The following ABCB5 variants were observed in gnomAD, a reference collection of about 807,000 sequenced individuals.
The protein encoded by ABCB5 is ATP-binding cassette sub-family B member 5.
A neutral mutation model predicts 144.2 loss-of-function variants in ABCB5; 155 were observed. The ratio of observed to expected loss-of-function variants is 1.08; its 90% confidence interval spans 0.94 to 1.23. The LOEUF (loss-of-function observed/expected upper bound fraction) is 1.23. ABCB5 is among the 50% of genes most tolerant of loss of function. The pLI is 0.00. For missense variants in ABCB5, 1,830 were observed against 1,520.8 expected, an observed-to-expected ratio of 1.20 and a Z score of -3.38; for synonymous variants, 610 against 528.6, an observed-to-expected ratio of 1.15 and a Z score of -2.11.
intron 23 of ABCB5, among the ~76,000 whole-genome samples, chr7:20,736,342 T>G (rs2128053605): frequency 6.6e-6 from 1 of 152,250 alleles, no homozygotes; most frequent in Non-Finnish European, 1.5e-5. Context: ...CTCAGTCTCC[T>G]GAGTAGCTAG....
At chr7:20,743,887 T>C (rs1449282126) in intron 25 of ABCB5, among the ~76,000 whole-genome samples, 1 of 152,048 alleles carries the variant, frequency 6.6e-6, no homozygotes, top group Non-Finnish European at 1.5e-5. Flanking sequence ...TATTCGCACA[T>C]AGCATAGCAC....
In ABCB5 at chr7:20,727,073, A is replaced by C; in HGVS notation, c.2659A>C (p.Ile887Leu). The C allele has an allele frequency of 6.2e-7, 1 of 1,613,582 alleles. No homozygotes were observed. Among genetic ancestry groups the C allele is most frequent in the Non-Finnish European group, 8.5e-7 (1 of 1,179,704 alleles). Residue 887 changes from isoleucine to leucine, a missense_variant, in exon 22 of 28, where the codon ATA becomes CTA. Physicochemically the swap from Ile to Leu is conservative, Grantham distance 5. Coordinates refer to ENST00000404938, the MANE Select transcript of ABCB5 (RefSeq NM_001163941.2). ...TGAAGCTTTGGAGAATATACGTACT[A>C]TAGTGTCATTAACAAGGGAAAAAGC... ...ATEALENIRT[I>L]VSLTREKAFE...
At chr7:20,676,418 TA>T (rs565338481) in intron 14 of ABCB5, among the ~76,000 whole-genome samples, 94 of 152,106 alleles carry the variant, frequency 6.2e-4, no homozygotes, top group African/African-American at 2.1e-3. Flanking sequence ...AATAAGCCTT[TA>T]AAAAGGAGGA....
At chr7:20,691,650 C>T (rs568559021) in intron 16 of ABCB5, among the ~76,000 whole-genome samples, 14 of 151,228 alleles carry the variant, frequency 9.3e-5, no homozygotes, top group African/African-American at 3.2e-4. Flanking sequence ...ATGTGCACAA[C>T]GTGCAGGTGA....
chr7:20,665,222 A>G (rs1785134782), intron 14 of ABCB5, among the ~76,000 whole-genome samples: 1 of 152,186 alleles, frequency 6.6e-6, no homozygotes, highest in South Asian at 2.1e-4. Flanking sequence ...AGATTTCTGC[A>G]AGCTGGAAAG....
At chr7:20,625,906 A>C (rs907764276) in intron 2 of ABCB5, among the ~76,000 whole-genome samples, 1 of 152,250 alleles carries the variant, frequency 6.6e-6, no homozygotes, top group South Asian at 2.1e-4. Context: ...CTAAGTGCTC[A>C]ACAAAACGTG....
intron 14 of ABCB5, among the ~76,000 whole-genome samples, chr7:20,681,026 CTT>C (rs1223152078): frequency 7.0e-4 from 51 of 72,506 alleles, no homozygotes; most frequent in Admixed American, 1.1e-3. Context: ...TTCTTTCTTT[CTT>C]TCTTTCTCTT....
Position 20,632,058 on chromosome 7 carries a change from G to A in ABCB5, c.260-1G>A. 39 of 1,505,560 alleles carry A rather than the reference G, an allele frequency of 2.6e-5. No individual in the cohort carries two copies. The highest frequency in any genetic ancestry group is 3.3e-5 in the Non-Finnish European group (37 of 1,124,744). 93.3% of individuals were successfully genotyped at this position (1,505,560 alleles called of 1,614,324 possible). On this transcript the variant is annotated splice_acceptor_variant, in intron 4 of 27. Coordinates refer to ENST00000404938, the MANE Select transcript of ABCB5 (RefSeq NM_001163941.2). LOFTEE classifies it high-confidence loss of function. ...TATATTTTAAATAACCTTTTTTACA[G>A]CAAATTATCAGAACTGTACTCAGTC...
At chr7:20,706,388 AT>A (rs1328937015) in intron 20 of ABCB5, among the ~76,000 whole-genome samples, 5 of 152,228 alleles carry the variant, frequency 3.3e-5, no homozygotes, top group African/African-American at 9.6e-5. Context: ...TATGTGAGAC[AT>A]TTCTTTTAGC....
At chr7:20,733,392 A>G (rs1261489979) in intron 23 of ABCB5, among the ~76,000 whole-genome samples, 2 of 152,110 alleles carry the variant, frequency 1.3e-5, no homozygotes, top group Non-Finnish European at 2.9e-5. Flanking sequence ...TCCCCAATAT[A>G]AAATTTCTTC....
chr7:20,710,554 A>G (rs1786996250), intron 20 of ABCB5, among the ~76,000 whole-genome samples: 1 of 149,750 alleles, frequency 6.7e-6, no homozygotes, highest in South Asian at 2.1e-4. Flanking sequence ...AAGCAGATAG[A>G]GGGTCAGATT....
chr7:20,756,812 AACTT>A lies in ABCB5; in HGVS notation c.*1194_*1197del, dbSNP rs1423950726. 1 of 152,314 alleles carries A rather than the reference AACTT, an allele frequency of 6.6e-6. No homozygotes were observed. Among genetic ancestry groups the A allele is most frequent in the Non-Finnish European group, 1.5e-5 (1 of 68,038 alleles). The allele number at this position is 152,314 out of a possible 1,614,324, so 9.4% of individuals were successfully genotyped here. ...TATTGGTAAAATGAGTTACATTTTC[AACTT>A]ACTTAAATATGTAATGTCACCTGGT... is the stretch of plus-strand genomic sequence containing the variant. On this transcript the variant is annotated 3_prime_UTR_variant, in exon 28 of 28. Transcript: ENST00000404938.
chr7:20,716,968 T>C (rs960425557), intron 20 of ABCB5, among the ~76,000 whole-genome samples: 1 of 152,160 alleles, frequency 6.6e-6, no homozygotes, highest in Non-Finnish European at 1.5e-5. Flanking sequence ...AAGGCTTAGA[T>C]GGCCAAACAC....
chr7:20,699,957 A>C (rs1353131082), intron 18 of ABCB5, 28 bp downstream of exon 18: 1 of 1,601,482 alleles, frequency 6.2e-7, no homozygotes, highest in Admixed American at 1.7e-5. Context: ...AAGCCTGAGC[A>C]TGATTACTTT....
intron 13 of ABCB5, among the ~76,000 whole-genome samples, chr7:20,658,219 A>G (rs1784873755): frequency 6.6e-6 from 1 of 152,192 alleles, no homozygotes; most frequent in African/African-American, 2.4e-5. Flanking sequence ...AGAGATTTGG[A>G]CATTAGTTTA....
rs909400993 is a variant in ABCB5, at chr7:20,733,721, C to T, written c.2868-5262C>T. Among the ~76,000 whole-genome samples the T allele has an allele frequency of 3.9e-5, 6 of 151,950 alleles. No homozygotes were observed. The East Asian group carries it at 1.2e-3, about 29-fold the overall frequency. ...TGGCACGATCTCAGCTCGCCGCAAA[C>T]TCCGCTTCCTGGATTCAAGCAATTC... On this transcript the variant is annotated intron_variant, in intron 23 of 27. Transcript: ENST00000404938.
chr7:20,683,632 A>T (rs182738576), intron 15 of ABCB5, among the ~76,000 whole-genome samples: 1 of 152,154 alleles, frequency 6.6e-6, no homozygotes, highest in Non-Finnish European at 1.5e-5. Flanking sequence ...AAAATTTTAA[A>T]CACCTTATTT....
Position 20,717,268 on chromosome 7 carries a change from C to A in ABCB5, c.2422-5748C>A, listed in dbSNP as rs10230194. Among the ~76,000 whole-genome samples, 1,053 of 152,176 alleles carry A rather than the reference C, an allele frequency of 6.9e-3. 9 individuals are homozygous for A. The highest frequency in any genetic ancestry group is 0.031 in the Middle Eastern group (9 of 294). On this transcript the variant is annotated intron_variant, in intron 20 of 27. Transcript: ENST00000404938. ...CAAAGGACCACAGACTAGGAGGCTGCAACAACAGACATTCATTTCCTTACA... is the reference window on the plus strand; with the variant it reads ...CAAAGGACCACAGACTAGGAGGCTGAAACAACAGACATTCATTTCCTTACA...
At chr7:20,680,324 C>T (rs971945702) in intron 14 of ABCB5, among the ~76,000 whole-genome samples, 1 of 151,982 alleles carries the variant, frequency 6.6e-6, no homozygotes, top group South Asian at 2.1e-4. Context: ...TTTGGGAGGC[C>T]GAGGCGGGTG....
Sources: allele counts gnomAD v4.1 joint callset (sites outside exome capture counted in the v4.1 genomes callset), GRCh38; gene constraint gnomAD v4.1.1; transcripts MANE v1.5; gene names NCBI Gene and HGNC (gene_info 2026-07-23, HGNC 2026-07-21).